DENND4C: variants seen among roughly 807,000 people sequenced by gnomAD.
The protein encoded by DENND4C is DENN domain-containing protein 4C.
Under a neutral mutation model 203.0 loss-of-function variants are expected in DENND4C, and 108 were observed. That is an observed-to-expected ratio of 0.53 (90% CI 0.46 to 0.62). DENND4C has a LOEUF of 0.62. Ranked by LOEUF, DENND4C falls within the 20% of genes least tolerant of loss-of-function variation. DENND4C has a pLI of 0.00. For synonymous variants in DENND4C, 871 were observed against 792.4 expected, an observed-to-expected ratio of 1.10 and a Z score of -1.67; for missense variants, 2,481 against 2,301.2, an observed-to-expected ratio of 1.08 and a Z score of -1.60.
At chr9:19,288,306 CG>C (rs1488792039) in intron 3 of DENND4C, among the ~76,000 whole-genome samples, 1 of 152,158 alleles carries the variant, frequency 6.6e-6, no homozygotes, top group African/African-American at 2.4e-5. Context: ...GTGCACACTC[CG>C]TTTTGTGCTG....
chr9:19,346,665 C>G lies in DENND4C; in HGVS notation c.3896C>G (p.Ser1299Cys), dbSNP rs1822963146. Residue 1299 changes from serine to cysteine, a missense_variant, in exon 23 of 33, where the codon TCT becomes TGT. By Grantham distance (112) the Ser-to-Cys change is moderately radical (BLOSUM62 -1). Transcript: ENST00000434457. ...MNLKSPLGSK[S>C]SSMELHREEN... Reference sequence around the variant, plus strand: ...CTAAAAAGTCCCCTAGGTAGTAAATCTTCTAGTATGGAATTACACAGAGAG... The same window carrying G: ...CTAAAAAGTCCCCTAGGTAGTAAATGTTCTAGTATGGAATTACACAGAGAG... 1 of 1,614,148 alleles carries G rather than the reference C, an allele frequency of 6.2e-7. No individual in the cohort carries two copies. Among genetic ancestry groups the G allele is most frequent in the Non-Finnish European group, 8.5e-7 (1 of 1,180,046 alleles).
chr9:19,370,035 T>A (rs759355117), intron 31 of DENND4C, 48 bp downstream of exon 31: 23 of 1,600,186 alleles, frequency 1.4e-5, no homozygotes, highest in Non-Finnish European at 2.0e-5. Flanking sequence ...CATTTCATGT[T>A]TTTAAAAAAA....
rs796815369 is a variant in DENND4C at position 19,253,650 on chromosome 9, ACAG to A, written c.-17-22506_-17-22504del. ...CATGGTTTGGGTTACCAGGGAACAT[ACAG>A]CTGTTTTTGAACCTTTAAAAAATAT... On this transcript the variant is annotated intron_variant, in intron 1 of 32. Transcript: ENST00000434457. Among the ~76,000 whole-genome samples the A allele has an allele frequency of 6.6e-5, 10 of 152,340 alleles. 1 individual carries two copies. The highest frequency in any genetic ancestry group is 2.4e-4 in the African/African-American group (10 of 41,588).
intron 1 of DENND4C, among the ~76,000 whole-genome samples, chr9:19,263,259 A>C (rs1829785197): frequency 6.6e-6 from 1 of 152,148 alleles, no homozygotes; most frequent in Admixed American, 6.6e-5. Flanking sequence ...TTTATTTGGA[A>C]CTATCCTTGT....
At chr9:19,363,971 G>A (rs1046730204) in intron 30 of DENND4C, among the ~76,000 whole-genome samples, 8 of 151,962 alleles carry the variant, frequency 5.3e-5, no homozygotes, top group Admixed American at 3.3e-4. Context: ...CCGAGATTGC[G>A]CCGTTGCACT....
chr9:19,356,174 C>T (rs922395182), intron 26 of DENND4C, among the ~76,000 whole-genome samples: 1 of 152,028 alleles, frequency 6.6e-6, no homozygotes, highest in Non-Finnish European at 1.5e-5. Context: ...CTATCTGTCT[C>T]TCCACCAATC....
chr9:19,271,201 C>CTTTT (rs34513200), intron 1 of DENND4C, among the ~76,000 whole-genome samples: 20 of 129,082 alleles, frequency 1.5e-4, no homozygotes, highest in African/African-American at 5.5e-4. Context: ...AATATGGATT[C>CTTTT]TTTTTTTTTT....
At chr9:19,319,909 G>T (rs1842597219) in intron 12 of DENND4C, among the ~76,000 whole-genome samples, 1 of 151,744 alleles carries the variant, frequency 6.6e-6, no homozygotes, top group South Asian at 2.1e-4. Context: ...TTTAAGTTTG[G>T]GCCCAAAAAA....
intron 6 of DENND4C, among the ~76,000 whole-genome samples, chr9:19,297,261 G>A (rs1837660017): frequency 6.6e-6 from 1 of 152,036 alleles, no homozygotes; most frequent in Non-Finnish European, 1.5e-5. Context: ...ATAAGGTAGG[G>A]GTAATTATGT....
chr9:19,236,683 G>C lies in DENND4C; in HGVS notation c.-18+5850G>C, dbSNP rs1485396165. On this transcript the variant is annotated intron_variant, in intron 1 of 32. Coordinates refer to ENST00000434457, the MANE Select transcript of DENND4C (RefSeq NM_001330640.2). ...GGCATGTATTGAGAACAGCATGGTAGGGGTAGAAAATAATGGATAGACTTG... is the reference window on the plus strand; with the variant it reads ...GGCATGTATTGAGAACAGCATGGTACGGGTAGAAAATAATGGATAGACTTG... Among the ~76,000 whole-genome samples, 4 of 152,208 alleles carry C rather than the reference G, an allele frequency of 2.6e-5. No individual in the cohort carries two copies. The East Asian group carries it at 7.7e-4, about 29-fold the overall frequency.
chr9:19,334,969 T>C lies in DENND4C; in HGVS notation c.2461-8T>C. The C allele has an allele frequency of 8.9e-6, 14 of 1,581,052 alleles. No homozygotes were observed. The highest frequency in any genetic ancestry group is 4.5e-5 in the East Asian group (2 of 44,600). ...TAATTACTGACACTGATTTTTTTTTTTTGTTAGGTGTGCTATCGAGTAGTG... is the reference window on the plus strand; with the variant it reads ...TAATTACTGACACTGATTTTTTTTTCTTGTTAGGTGTGCTATCGAGTAGTG... On this transcript the variant is annotated splice_polypyrimidine_tract_variant and splice_region_variant and intron_variant, in intron 17 of 32. Transcript: ENST00000434457.
rs148923862 is a variant in DENND4C, at chr9:19,301,893, C to T, written c.1311+1562C>T. ...TGAAGGTTGCTATGAGCTGAGATTGCGCCACTGCACTCCAGCCTGGTGACA... is the reference window on the plus strand; with the variant it reads ...TGAAGGTTGCTATGAGCTGAGATTGTGCCACTGCACTCCAGCCTGGTGACA... On this transcript the variant is annotated intron_variant, in intron 9 of 32. Transcript: ENST00000434457. Among the ~76,000 whole-genome samples, 796 of 152,198 alleles carry T rather than the reference C, an allele frequency of 5.2e-3. 6 individuals are homozygous for T. Among genetic ancestry groups the T allele is most frequent in the Non-Finnish European group, 6.6e-3 (448 of 68,012 alleles).
At chr9:19,233,021 C>G (rs1441705402) in intron 1 of DENND4C, among the ~76,000 whole-genome samples, 1 of 148,806 alleles carries the variant, frequency 6.7e-6, no homozygotes, top group Non-Finnish European at 1.5e-5. Flanking sequence ...TACTCTGGTT[C>G]TGGAGGCTGC....
chr9:19,340,810 G>A (rs1332358812), intron 20 of DENND4C, among the ~76,000 whole-genome samples, 182 bp from the exon 21 acceptor site: 2 of 152,104 alleles, frequency 1.3e-5, no homozygotes, highest in Non-Finnish European at 2.9e-5. Flanking sequence ...TGATGTTCCT[G>A]TTTCTACTGT....
At chr9:19,310,855 G>A (rs1840601038) in intron 10 of DENND4C, among the ~76,000 whole-genome samples, 1 of 151,994 alleles carries the variant, frequency 6.6e-6, no homozygotes, top group African/African-American at 2.4e-5. Context: ...ACTCTGTGTG[G>A]TAAATTACAT....
chr9:19,246,926 A>G (rs2131549756), intron 1 of DENND4C, among the ~76,000 whole-genome samples: 1 of 152,302 alleles, frequency 6.6e-6, no homozygotes, highest in African/African-American at 2.4e-5. Flanking sequence ...AAAATTTGTC[A>G]GAAAGAATTG....
At chr9:19,266,016 T>C (rs921646547) in intron 1 of DENND4C, among the ~76,000 whole-genome samples, 6 of 152,332 alleles carry the variant, frequency 3.9e-5, no homozygotes, top group East Asian at 1.9e-4. Context: ...TTCTAGATCC[T>C]TGAGGAATCG....
chr9:19,344,024 C>T (rs1446860204), intron 22 of DENND4C, among the ~76,000 whole-genome samples: 3 of 151,944 alleles, frequency 2.0e-5, no homozygotes, highest in East Asian at 1.9e-4. Context: ...GTTTAATTCC[C>T]GTGAAGGCTT....
rs150778169 is a variant in DENND4C at position 19,299,107 on chromosome 9, A to G, written c.1108-122A>G. The stretch of plus-strand genomic sequence containing the variant: ...TTCCAAAAGTGTGTTTGCATATTAA[A>G]TTATTAATGTTTTCAATATTACCTT... On this transcript the variant is annotated intron_variant, in intron 7 of 32. Transcript: ENST00000434457. The G allele has an allele frequency of 2.4e-4, 163 of 676,680 alleles. 1 individual carries two copies. The East Asian group carries it at 5.4e-3, about 22-fold the overall frequency. The allele number at this position is 676,680 out of a possible 1,614,324, so 41.9% of individuals were successfully genotyped here. A position where few individuals can be genotyped will look rare whatever the true frequency, so the allele number is the denominator to read the frequency against.
Sources: allele counts gnomAD v4.1 joint callset (sites outside exome capture counted in the v4.1 genomes callset), GRCh38; gene constraint gnomAD v4.1.1; transcripts MANE v1.5; gene names NCBI Gene and HGNC (gene_info 2026-07-23, HGNC 2026-07-21).